AFG2A: variants seen among roughly 807,000 people sequenced by gnomAD.
The protein encoded by AFG2A is ATPase family gene 2 protein homolog A.
the AFG2A span, among the ~76,000 whole-genome samples, chr4:123,135,499 T>C: frequency 1.3e-5 from 2 of 152,234 alleles, no homozygotes; most frequent in East Asian, 1.9e-4. Context: ...CATGATCTTA[T>C]ACAGTTACAC....
chr4:123,153,414 T>A, the AFG2A span, among the ~76,000 whole-genome samples: 9 of 152,254 alleles, frequency 5.9e-5, no homozygotes, highest in Admixed American at 2.6e-4. Context: ...TTCATGTAGA[T>A]TCAACCTCTT....
the AFG2A span, among the ~76,000 whole-genome samples, chr4:122,942,620 A>G: frequency 2.0e-4 from 31 of 151,816 alleles, 1 homozygote; most frequent in East Asian, 3.1e-3. Flanking sequence ...GGGTTTTTTT[A>G]TGTCTCTATT....
chr4:123,224,773 G>C, the AFG2A span, among the ~76,000 whole-genome samples: 101 of 152,258 alleles, frequency 6.6e-4, no homozygotes, highest in African/African-American at 2.1e-3. Flanking sequence ...CTAGATCCCT[G>C]AGGAATCACC....
At chr4:123,066,867 G>C in the AFG2A span, among the ~76,000 whole-genome samples, 1 of 152,150 alleles carries the variant, frequency 6.6e-6, no homozygotes, top group Admixed American at 6.5e-5. Flanking sequence ...ATGTGTAACA[G>C]ATTTTCTCTT....
At chr4:123,244,086 A>T in the AFG2A span, among the ~76,000 whole-genome samples, 34 of 141,434 alleles carry the variant, frequency 2.4e-4, no homozygotes, top group African/African-American at 7.1e-4. Context: ...AGGTAAGATT[A>T]AAAAAAAAGA....
At chr4:122,959,087 A>C in the AFG2A span, among the ~76,000 whole-genome samples, 102 of 152,278 alleles carry the variant, frequency 6.7e-4, no homozygotes, top group Non-Finnish European at 1.2e-3. Context: ...ATTTCTAACA[A>C]GCTTGCAGGT....
the AFG2A span, among the ~76,000 whole-genome samples, chr4:123,014,660 T>C: frequency 6.6e-6 from 1 of 152,194 alleles, no homozygotes; most frequent in African/African-American, 2.4e-5. Flanking sequence ...ATTATTGAAA[T>C]CTATACAGTT....
chr4:123,040,167 AT>A, the AFG2A span, among the ~76,000 whole-genome samples: 1 of 152,094 alleles, frequency 6.6e-6, no homozygotes, highest in Non-Finnish European at 1.5e-5. Flanking sequence ...ACGCTTCAAC[AT>A]TACTAGATAG....
chr4:123,084,614 G>A, the AFG2A span, among the ~76,000 whole-genome samples: 4,870 of 148,554 alleles, frequency 0.033, 176 homozygotes, highest in Admixed American at 0.097. Context: ...GTGTGTGTGT[G>A]TATATATATA....
the AFG2A span, among the ~76,000 whole-genome samples, chr4:123,028,992 G>A: frequency 1.3e-5 from 2 of 152,158 alleles, no homozygotes; most frequent in African/African-American, 4.8e-5. Context: ...GATATATCCA[G>A]ATACTTAATC....
the AFG2A span, among the ~76,000 whole-genome samples, chr4:123,276,776 A>C: frequency 9.9e-5 from 15 of 152,238 alleles, no homozygotes; most frequent in Admixed American, 2.6e-4. Context: ...GACTTTGTCA[A>C]AACTCAGATA....
At chr4:123,208,907 A>G in the AFG2A span, among the ~76,000 whole-genome samples, 1 of 152,144 alleles carries the variant, frequency 6.6e-6, no homozygotes, top group African/African-American at 2.4e-5. Context: ...TTCTATGCTG[A>G]TGAGTTGACT....
At chr4:123,064,598 A>G in the AFG2A span, among the ~76,000 whole-genome samples, 3 of 152,192 alleles carry the variant, frequency 2.0e-5, no homozygotes, top group Admixed American at 1.3e-4. Context: ...TTAGGCAACA[A>G]TCCTGTCATC....
the AFG2A span, among the ~76,000 whole-genome samples, chr4:123,180,032 C>T: frequency 6.6e-6 from 1 of 152,020 alleles, no homozygotes; most frequent in Non-Finnish European, 1.5e-5. Flanking sequence ...CCAGCCTGGC[C>T]AACCTGGTGA....
At chr4:123,279,642 CCTATAGAAAGCA>C in the AFG2A span, among the ~76,000 whole-genome samples, 82 of 152,160 alleles carry the variant, frequency 5.4e-4, no homozygotes, top group African/African-American at 2.0e-3. Context: ...AATTATATCA[CCTATAGAAAGCA>C]CTTGTACATA....
chr4:123,170,891 A>G, the AFG2A span, among the ~76,000 whole-genome samples: 11 of 152,290 alleles, frequency 7.2e-5, no homozygotes, highest in East Asian at 2.1e-3. Context: ...ACTCGGCCTC[A>G]ATTTTCTTAT....
At chr4:123,314,886 G>A in the AFG2A span, 1 of 151,540 alleles carries the variant, frequency 6.6e-6, no homozygotes, top group Non-Finnish European at 1.5e-5. Flanking sequence ...CTCCTGAGTA[G>A]CTGGGACTAC....
chr4:123,151,057 G>C, the AFG2A span, among the ~76,000 whole-genome samples: 1 of 152,274 alleles, frequency 6.6e-6, no homozygotes, highest in South Asian at 2.1e-4. Context: ...GGAAAAACTG[G>C]CTAGCTATAT....
the AFG2A span, among the ~76,000 whole-genome samples, chr4:123,062,203 G>C: frequency 1.6e-3 from 243 of 152,170 alleles, 4 homozygotes; most frequent in South Asian, 0.011. Flanking sequence ...TCAATGGCTC[G>C]TCATGTGTTA....
Sources: gnomAD v4.1 joint callset for allele counts (sites outside exome capture counted in the v4.1 genomes callset) on GRCh38, gnomAD v4.1.1 for gene constraint, MANE v1.5 for transcripts, NCBI Gene and HGNC (gene_info 2026-07-23, HGNC 2026-07-21) for gene names.